The following FAT3 variants were observed in gnomAD, a reference collection of about 807,000 sequenced individuals.
The protein encoded by FAT3 is protocadherin Fat 3.
Under a neutral mutation model 310.2 loss-of-function variants are expected in FAT3, and 95 were observed. The observed-to-expected ratio is 0.31, with a 90% CI of 0.26 to 0.36. FAT3 has a LOEUF of 0.36. Among genes scored for constraint, FAT3 ranks in the 10% least tolerant of loss-of-function variants. The probability of loss-of-function intolerance (pLI) is 1.00; values close to 1 mark genes in which losing one functional copy is unlikely to be tolerated. For synonymous variants in FAT3, 2,314 were observed against 2,192.9 expected, an observed-to-expected ratio of 1.06 and a Z score of -1.54; for missense variants, 5,408 against 5,715.6, an observed-to-expected ratio of 0.95 and a Z score of 1.74.
intron 1 of FAT3, among the ~76,000 whole-genome samples, chr11:92,296,278 T>A (rs1337011443): frequency 6.6e-6 from 1 of 152,202 alleles, no homozygotes; most frequent in Admixed American, 6.5e-5. Context: ...AATACTGAAG[T>A]CAAATCCTGA....
At chr11:92,556,288 C>A (rs1955014393) in intron 3 of FAT3, among the ~76,000 whole-genome samples, 1 of 152,158 alleles carries the variant, frequency 6.6e-6, no homozygotes, top group South Asian at 2.1e-4. Context: ...ATCTACCAGA[C>A]TCCTGGATGT....
At chr11:92,812,641 T>G (rs534582258) in intron 13 of FAT3, among the ~76,000 whole-genome samples, 1 of 151,732 alleles carries the variant, frequency 6.6e-6, no homozygotes, top group African/African-American at 2.4e-5. Context: ...TAGCTGTTAA[T>G]ATTTAAAAGT....
At chr11:92,250,215 G>T (rs1427832896) in intron 1 of FAT3, among the ~76,000 whole-genome samples, 2 of 151,982 alleles carry the variant, frequency 1.3e-5, no homozygotes, top group African/African-American at 4.8e-5. Context: ...TCTATTTTTA[G>T]CATCTAAGTT....
At chr11:92,677,243 A>T (rs1301786936) in intron 3 of FAT3, among the ~76,000 whole-genome samples, 1 of 152,216 alleles carries the variant, frequency 6.6e-6, no homozygotes, top group Non-Finnish European at 1.5e-5. Flanking sequence ...TTTACCAAAA[A>T]CAGTGACATG....
At chr11:92,754,869 A>AAAT (rs989448040) in intron 4 of FAT3, among the ~76,000 whole-genome samples, 1 of 151,830 alleles carries the variant, frequency 6.6e-6, no homozygotes, top group Non-Finnish European at 1.5e-5. Context: ...TTGATCTAAA[A>AAAT]AATAATAATA....
intron 3 of FAT3, among the ~76,000 whole-genome samples, chr11:92,680,843 G>T (rs1274801232): frequency 6.6e-6 from 1 of 152,204 alleles, no homozygotes; most frequent in African/African-American, 2.4e-5. Context: ...TAACTGGGCA[G>T]CAGGGAGGCT....
At chr11:92,436,412 G>T (rs897322581) in intron 2 of FAT3, among the ~76,000 whole-genome samples, 12 of 152,180 alleles carry the variant, frequency 7.9e-5, no homozygotes, top group Non-Finnish European at 1.6e-4. Context: ...AAAATGCTGG[G>T]ATTACAGGCG....
chr11:92,864,212 G>C (rs2136339412), intron 21 of FAT3, among the ~76,000 whole-genome samples: 1 of 152,270 alleles, frequency 6.6e-6, no homozygotes, highest in East Asian at 1.9e-4. Flanking sequence ...GGGGGTGAGA[G>C]AGGAGAATGA....
At chr11:92,626,820 T>C (rs1941357459) in intron 3 of FAT3, among the ~76,000 whole-genome samples, 1 of 152,236 alleles carries the variant, frequency 6.6e-6, no homozygotes, top group Admixed American at 6.5e-5. Flanking sequence ...ATCTGCCAGC[T>C]ATTAAGCTTG....
intron 1 of FAT3, among the ~76,000 whole-genome samples, chr11:92,239,839 C>T (rs1017402483): frequency 6.6e-6 from 1 of 152,040 alleles, no homozygotes; most frequent in Non-Finnish European, 1.5e-5. Flanking sequence ...TCACAATTAC[C>T]CTCTGGCTTT....
intron 3 of FAT3, among the ~76,000 whole-genome samples, chr11:92,690,653 T>C (rs1038428948): frequency 2.6e-5 from 4 of 152,230 alleles, no homozygotes; most frequent in South Asian, 2.1e-4. Context: ...AGTTGTTTAT[T>C]TTTTAAGGAA....
At chr11:92,249,417 C>T (rs1865050192) in intron 1 of FAT3, among the ~76,000 whole-genome samples, 1 of 152,140 alleles carries the variant, frequency 6.6e-6, no homozygotes, top group Admixed American at 6.6e-5. Flanking sequence ...GAGGTCTTAG[C>T]AAGTGAACTG....
intron 2 of FAT3, among the ~76,000 whole-genome samples, chr11:92,501,386 C>T (rs1457756159): frequency 6.6e-6 from 1 of 152,012 alleles, no homozygotes; most frequent in Non-Finnish European, 1.5e-5. Context: ...TCCTAGAGTG[C>T]CTTTTACCAA....
intron 14 of FAT3, among the ~76,000 whole-genome samples, chr11:92,832,680 T>C (rs893936241): frequency 6.6e-6 from 1 of 152,186 alleles, no homozygotes; most frequent in African/African-American, 2.4e-5. Context: ...TGTTTGATTT[T>C]CTCTCTTTTC....
chr11:92,851,144 C>A (rs1420423476), intron 19 of FAT3, among the ~76,000 whole-genome samples: 1 of 152,104 alleles, frequency 6.6e-6, no homozygotes, highest in Non-Finnish European at 1.5e-5. Flanking sequence ...TTATTCTGTG[C>A]CTACAGTGCA....
At chr11:92,428,871 G>GAGTTCTGC (rs1372555848) in intron 2 of FAT3, among the ~76,000 whole-genome samples, 2 of 152,208 alleles carry the variant, frequency 1.3e-5, no homozygotes. Context: ...TCGGGGTGGA[G>GAGTTCTGC]AGTTCTGCAG....
rs2136452391 is a variant in FAT3 at position 92,891,302 on chromosome 11, C to T, written c.*189C>T. The T allele has an allele frequency of 2.4e-6, 2 of 826,060 alleles. No homozygotes were observed. The highest frequency in any genetic ancestry group is 3.7e-6 in the Non-Finnish European group (2 of 546,296). The allele number at this position is 826,060 out of a possible 1,614,324, so 51.2% of individuals were successfully genotyped here. Reference sequence around the variant, plus strand: ...ATTCCAGTTGGGTGAAAATGAAAGGCTCAGAAATTGTTTTTGAGAGGTGAC... The same window carrying T: ...ATTCCAGTTGGGTGAAAATGAAAGGTTCAGAAATTGTTTTTGAGAGGTGAC... On this transcript the variant is annotated 3_prime_UTR_variant, in exon 28 of 28. Transcript: ENST00000525166.
Position 92,893,203 on chromosome 11 carries a change from G to A in FAT3, c.*2090G>A, listed in dbSNP as rs1471114791. 2 of 151,736 alleles carry A rather than the reference G, an allele frequency of 1.3e-5. No homozygotes were observed. The highest frequency in any genetic ancestry group is 4.8e-5 in the African/African-American group (2 of 41,348). 9.4% of individuals were successfully genotyped at this position (151,736 alleles called of 1,614,324 possible). A position where few individuals can be genotyped will look rare whatever the true frequency, so the allele number is the denominator to read the frequency against. On this transcript the variant is annotated 3_prime_UTR_variant, in exon 28 of 28. Coordinates refer to ENST00000525166, the MANE Select transcript of FAT3 (RefSeq NM_001367949.2). The stretch of plus-strand genomic sequence containing the variant: ...CATTCCCAAACTTTCTAAGTAAGTG[G>A]ATACACTACACTTCACAAGTTTTCC...
intron 2 of FAT3, among the ~76,000 whole-genome samples, chr11:92,371,730 C>T (rs1591185278): frequency 6.6e-6 from 1 of 152,000 alleles, no homozygotes; most frequent in Non-Finnish European, 1.5e-5. Flanking sequence ...CTCCCTGCCC[C>T]GCAAATGGAG....
Sources: allele counts gnomAD v4.1 joint callset (sites outside exome capture counted in the v4.1 genomes callset), GRCh38; gene constraint gnomAD v4.1.1; transcripts MANE v1.5; gene names NCBI Gene and HGNC (gene_info 2026-07-23, HGNC 2026-07-21).